GLCCI1: variants seen among roughly 807,000 people sequenced by gnomAD.
GLCCI1 encodes the protein glucocorticoid induced 1.
A neutral mutation model predicts 52.2 loss-of-function variants in GLCCI1; 24 were observed. The ratio of observed to expected loss-of-function variants is 0.46; its 90% CI spans 0.33 to 0.65. The LOEUF (loss-of-function observed/expected upper bound fraction) is 0.65, where lower values mean the gene tolerates loss of function less well. Among genes scored for constraint, GLCCI1 ranks in the 30% least tolerant of loss-of-function variants. GLCCI1 has a pLI of 0.02. For missense variants in GLCCI1, 704 were observed against 701.5 expected (o/e 1.00, Z -0.04); for synonymous variants, 310 against 276.5 (o/e 1.12, Z -1.20).
At chr7:8,040,765 T>G (rs1157895761) in intron 3 of GLCCI1, among the ~76,000 whole-genome samples, 8 of 152,204 alleles carry the variant, frequency 5.3e-5, no homozygotes, top group Non-Finnish European at 1.2e-4. Context: ...TGAAAACACA[T>G]GTCTACATTG....
chr7:7,977,259 T>C (rs1272366990), intron 1 of GLCCI1, among the ~76,000 whole-genome samples: 2 of 152,184 alleles, frequency 1.3e-5, no homozygotes, highest in African/African-American at 2.4e-5. Flanking sequence ...TGATAACATA[T>C]ACATAAAATT....
chr7:8,004,034 C>T lies in GLCCI1; in HGVS notation c.584C>T (p.Ser195Leu). 6.2e-7 allele frequency: 1 copy of T among 1,613,102 alleles called. No individual in the cohort carries two copies. Among genetic ancestry groups the T allele is most frequent in the South Asian group, 1.1e-5 (1 of 90,942 alleles). ...CGGGATCCTCATGTTCACTACCCTT[C>T]ATGCATGAAAGACAAAGCTACTCAG... is the stretch of plus-strand genomic sequence containing the variant. The part of the protein sequence containing the change: ...WPRDPHVHYP[S>L]CMKDKATQTP... The change falls in exon 2 of 8, where the codon TCA (serine) becomes TTA (leucine). Residue 195 changes from serine (S) to leucine (L), a missense_variant. Ser to Leu is a moderately radical substitution (Grantham distance 145). Coordinates refer to ENST00000223145, the MANE Select transcript of GLCCI1 (RefSeq NM_138426.4).
intron 1 of GLCCI1, among the ~76,000 whole-genome samples, chr7:8,000,260 T>G (rs1284790273): frequency 6.6e-6 from 1 of 152,238 alleles, no homozygotes; most frequent in African/African-American, 2.4e-5. Context: ...GTTAATTTTC[T>G]GTTTCCCAGT....
intron 1 of GLCCI1, among the ~76,000 whole-genome samples, chr7:8,000,364 A>C (rs1274970951): frequency 6.6e-6 from 1 of 152,212 alleles, no homozygotes; most frequent in African/African-American, 2.4e-5. Context: ...AGAACTAGAA[A>C]CAGTTTATGT....
At chr7:8,083,574 G>C (rs531051680) in intron 6 of GLCCI1, among the ~76,000 whole-genome samples, 1 of 152,202 alleles carries the variant, frequency 6.6e-6, no homozygotes, top group East Asian at 1.9e-4. Flanking sequence ...AAATCTGAAT[G>C]GTATATGAAG....
intron 1 of GLCCI1, chr7:7,980,722 A>T (rs1583942367): frequency 1.4e-6 from 1 of 721,386 alleles, no homozygotes; most frequent in East Asian, 2.5e-5. Context: ...TCAGTTTCTT[A>T]TCACTACAGG....
chr7:8,035,925 A>T (rs1415787612), intron 3 of GLCCI1, among the ~76,000 whole-genome samples: 1 of 152,184 alleles, frequency 6.6e-6, no homozygotes, highest in African/African-American at 2.4e-5. Flanking sequence ...ATTGAAGAGC[A>T]GGCTTGGTGG....
rs1782368170 is a variant in GLCCI1 at position 8,055,554 on chromosome 7, GC to G, written c.813+6del. 1 of 1,501,056 alleles carries G rather than the reference GC, an allele frequency of 6.7e-7. No individual in the cohort carries two copies. Among genetic ancestry groups the G allele is most frequent in the East Asian group, 2.3e-5 (1 of 44,300 alleles). 93.0% of individuals were successfully genotyped at this position (1,501,056 alleles called of 1,614,324 possible). On this transcript the variant is annotated splice_donor_region_variant and intron_variant, in intron 4 of 7. Coordinates refer to ENST00000223145, the MANE Select transcript of GLCCI1 (RefSeq NM_138426.4). Reference sequence around the variant, plus strand: ...ATAACAATCAGTCACACTCAGGTAGGCTAACTTCTTGTCCAGATTTGAATAA... The same window carrying G: ...ATAACAATCAGTCACACTCAGGTAGGTAACTTCTTGTCCAGATTTGAATAA...
chr7:8,070,980 T>C lies in GLCCI1; in HGVS notation c.1026T>C (p.Ser342=), dbSNP rs1359747344. The change falls in exon 6 of 8, where the codon AGT becomes AGC. Residue 342 remains serine (S), a synonymous_variant. Coordinates refer to ENST00000223145, the MANE Select transcript of GLCCI1 (RefSeq NM_138426.4). ...APLPAHYRSS[S]TRSIDTQTPS... ...TTCCTGCTCATTACCGGAGCAGTAGTACTCGCAGCATTGACACTCAGACTC... is the reference window on the plus strand; with the variant it reads ...TTCCTGCTCATTACCGGAGCAGTAGCACTCGCAGCATTGACACTCAGACTC... The C allele has an allele frequency of 6.2e-7, 1 of 1,614,202 alleles. No individual in the cohort carries two copies. The highest frequency in any genetic ancestry group is 8.5e-7 in the Non-Finnish European group (1 of 1,180,014).
chr7:7,971,181 C>T (rs1780346984), intron 1 of GLCCI1, among the ~76,000 whole-genome samples: 1 of 152,140 alleles, frequency 6.6e-6, no homozygotes, highest in African/African-American at 2.4e-5. Flanking sequence ...GGAATATGCT[C>T]CTGCACTCCT....
chr7:8,043,971 G>T (rs1457904250), intron 3 of GLCCI1, among the ~76,000 whole-genome samples: 6 of 147,706 alleles, frequency 4.1e-5, no homozygotes, highest in Admixed American at 6.7e-5. Context: ...TTGAGATGGA[G>T]TCTCGCTCTG....
chr7:7,970,700 T>C (rs1248065037), intron 1 of GLCCI1, among the ~76,000 whole-genome samples: 1 of 152,160 alleles, frequency 6.6e-6, no homozygotes, highest in African/African-American at 2.4e-5. Flanking sequence ...TGTTTATGTC[T>C]AGGGACACAG....
chr7:8,043,837 T>G (rs1245250358), intron 3 of GLCCI1, among the ~76,000 whole-genome samples: 1 of 152,026 alleles, frequency 6.6e-6, no homozygotes, highest in Non-Finnish European at 1.5e-5. Context: ...AAAATGAGAG[T>G]ACATGGGTGA....
At chr7:8,015,662 G>C (rs189404697) in intron 2 of GLCCI1, among the ~76,000 whole-genome samples, 10 of 152,058 alleles carry the variant, frequency 6.6e-5, no homozygotes, top group African/African-American at 2.4e-4. Context: ...TAATTTCTTT[G>C]GTTGCTAAAG....
intron 6 of GLCCI1, among the ~76,000 whole-genome samples, chr7:8,072,200 C>T (rs1782778030): frequency 6.6e-6 from 1 of 152,158 alleles, no homozygotes; most frequent in South Asian, 2.1e-4. Context: ...TTAATTTCCC[C>T]TGTTACTAGA....
At chr7:8,063,078 A>G (rs571600347) in intron 5 of GLCCI1, among the ~76,000 whole-genome samples, 1 of 152,250 alleles carries the variant, frequency 6.6e-6, no homozygotes, top group Admixed American at 6.5e-5. Context: ...TTACATTCCC[A>G]CCAGCAGTGT....
intron 2 of GLCCI1, among the ~76,000 whole-genome samples, chr7:8,004,752 A>T (rs1166605565): frequency 3.9e-5 from 6 of 152,252 alleles, no homozygotes; most frequent in South Asian, 2.1e-4. Context: ...ACACATTTAT[A>T]AAAATTGGTA....
chr7:8,022,863 C>T (rs13239966), intron 3 of GLCCI1: 2,028 of 169,496 alleles, frequency 0.012, 33 homozygotes, highest in East Asian at 0.077. Context: ...CAGCTTTAAC[C>T]TTTCCAGAGT....
chr7:8,027,045 A>T (rs1288696288), intron 3 of GLCCI1, among the ~76,000 whole-genome samples: 1 of 152,226 alleles, frequency 6.6e-6, no homozygotes, highest in East Asian at 1.9e-4. Flanking sequence ...GACTGTGAAG[A>T]CTACAATAAA....
Sources: allele counts gnomAD v4.1 joint callset (sites outside exome capture counted in the v4.1 genomes callset), GRCh38; gene constraint gnomAD v4.1.1; transcripts MANE v1.5; gene names NCBI Gene and HGNC (gene_info 2026-07-23, HGNC 2026-07-21).